Variants in NME7 observed in about 807,000 individuals in gnomAD.
NME7 encodes nucleoside diphosphate kinase 7.
Under a neutral mutation model 49.1 loss-of-function variants are expected in NME7, and 41 were observed. That is an observed-to-expected ratio of 0.83 (90% CI 0.65 to 1.08). NME7 has a LOEUF of 1.08. Among genes scored for constraint, NME7 ranks in the 50% least tolerant of loss-of-function variants. The pLI is 0.00. For missense variants in NME7, 423 were observed against 463.4 expected, an observed-to-expected ratio of 0.91 and a Z score of 0.80; for synonymous variants, 139 against 150.6, an observed-to-expected ratio of 0.92 and a Z score of 0.56.
chr1:169,246,807 G>C (rs541317215), intron 7 of NME7, among the ~76,000 whole-genome samples: 26 of 152,186 alleles, frequency 1.7e-4, no homozygotes, highest in African/African-American at 6.3e-4. Context: ...TCAAACTCCT[G>C]GCCTGAAGTG....
At chr1:169,232,603 T>A (rs528536506) in intron 9 of NME7, among the ~76,000 whole-genome samples, 21 of 151,706 alleles carry the variant, frequency 1.4e-4, no homozygotes, top group African/African-American at 4.8e-4. Context: ...GGGAAAAAGA[T>A]AAGGATGACA....
intron 7 of NME7, among the ~76,000 whole-genome samples, chr1:169,261,598 A>C (rs906312571): frequency 7.5e-6 from 1 of 133,280 alleles, no homozygotes; most frequent in Non-Finnish European, 1.8e-5. Context: ...GTTGCTATTG[A>C]CCTGCCATAG....
intron 7 of NME7, chr1:169,287,081 T>A: frequency 6.5e-6 from 3 of 463,344 alleles, no homozygotes; most frequent in Non-Finnish European, 7.6e-6. Context: ...CTGAGCATGA[T>A]CAGCAACTCA....
chr1:169,153,105 G>T (rs971404639), intron 11 of NME7, among the ~76,000 whole-genome samples: 4 of 152,064 alleles, frequency 2.6e-5, no homozygotes, highest in Non-Finnish European at 5.9e-5. Flanking sequence ...TCAAATTTCA[G>T]CTCTCTGCCA....
At chr1:169,240,059 A>G (rs113980076) in intron 7 of NME7, among the ~76,000 whole-genome samples, 6 of 151,960 alleles carry the variant, frequency 3.9e-5, no homozygotes, top group Non-Finnish European at 8.8e-5. Context: ...TATTTATTAT[A>G]ATATAAGTTA....
At chr1:169,327,358 T>C (rs1184262852) in intron 1 of NME7, among the ~76,000 whole-genome samples, 1 of 152,234 alleles carries the variant, frequency 6.6e-6, no homozygotes, top group African/African-American at 2.4e-5. Context: ...TCATTTTTCC[T>C]CTTTTGAACA....
chr1:169,313,100 T>G (rs941488133), intron 3 of NME7, among the ~76,000 whole-genome samples: 6 of 151,768 alleles, frequency 4.0e-5, no homozygotes, highest in African/African-American at 1.4e-4. Context: ...GCAAAATTAT[T>G]CAGAACAATT....
At chr1:169,280,105 CACA>C (rs1558020236) in intron 7 of NME7, among the ~76,000 whole-genome samples, 2 of 152,120 alleles carry the variant, frequency 1.3e-5, no homozygotes, top group African/African-American at 2.4e-5. Context: ...CCCATTTTTC[CACA>C]ACCTCTCCAG....
At chr1:169,205,426 T>C (rs1261820992) in intron 10 of NME7, among the ~76,000 whole-genome samples, 1 of 152,154 alleles carries the variant, frequency 6.6e-6, no homozygotes, top group Non-Finnish European at 1.5e-5. Context: ...ATGTGTCAAA[T>C]AGTTGTGTGG....
intron 7 of NME7, among the ~76,000 whole-genome samples, chr1:169,268,995 T>C (rs1345013265): frequency 1.5e-5 from 2 of 133,884 alleles, no homozygotes; most frequent in Non-Finnish European, 3.5e-5. Flanking sequence ...TATTTTAGGA[T>C]AGTTTGTTAT....
At chr1:169,310,162 A>C in intron 3 of NME7, 82 bp from the exon 4 acceptor site, 27 of 830,422 alleles carry the variant, frequency 3.3e-5, no homozygotes, top group East Asian at 5.2e-5. Context: ...CAGTATTCTC[A>C]ACAATCATCC....
At chr1:169,166,331 C>T (rs918597684) in intron 11 of NME7, among the ~76,000 whole-genome samples, 2 of 152,004 alleles carry the variant, frequency 1.3e-5, no homozygotes. Flanking sequence ...TACATTTTTA[C>T]ATTTCACAAG....
chr1:169,234,632 G>C (rs1197025163), intron 9 of NME7, among the ~76,000 whole-genome samples: 3 of 152,044 alleles, frequency 2.0e-5, no homozygotes, highest in Non-Finnish European at 4.4e-5. Flanking sequence ...TTATAAATGG[G>C]TTAATCAAGG....
chr1:169,238,923 T>A lies in NME7; in HGVS notation c.755-1236A>T, dbSNP rs1049605018. On this transcript the variant is annotated intron_variant, in intron 7 of 11. Transcript: ENST00000367811. ...TGTTTTATATTTTCCTTGCTACGAA[T>A]TTGCAAATTATTTTAGCCATGCACT... Among the ~76,000 whole-genome samples, 4 of 152,182 alleles carry A rather than the reference T, an allele frequency of 2.6e-5. No individual in the cohort carries two copies. In the South Asian group the frequency reaches 8.3e-4, roughly 32 times the overall value.
chr1:169,147,463 C>G (rs12145939), intron 11 of NME7, among the ~76,000 whole-genome samples: 1 of 152,034 alleles, frequency 6.6e-6, no homozygotes, highest in East Asian at 1.9e-4. Context: ...GCTGTGTGGC[C>G]CTGGGGAAGT....
intron 7 of NME7, among the ~76,000 whole-genome samples, chr1:169,258,856 G>T (rs541064540): frequency 3.0e-5 from 4 of 132,972 alleles, no homozygotes; most frequent in African/African-American, 1.0e-4. Flanking sequence ...CATGACCTGG[G>T]AACTTATTAC....
intron 10 of NME7, among the ~76,000 whole-genome samples, chr1:169,174,836 G>C (rs187270450): frequency 1.3e-4 from 20 of 152,318 alleles, no homozygotes; most frequent in Non-Finnish European, 2.8e-4. Flanking sequence ...GTCCGTGAGT[G>C]AGTGGTGAGT....
chr1:169,153,981 A>T, intron 11 of NME7, among the ~76,000 whole-genome samples: 1 of 151,844 alleles, frequency 6.6e-6, no homozygotes, highest in East Asian at 1.9e-4. Flanking sequence ...TTGGAATTAC[A>T]GGTGTGAGCT....
intron 10 of NME7, among the ~76,000 whole-genome samples, chr1:169,178,863 C>T (rs1013661920): frequency 1.4e-5 from 2 of 146,312 alleles, no homozygotes; most frequent in Non-Finnish European, 3.0e-5. Context: ...CTCTGTCACC[C>T]AGGCTGGAGT....
Sources: gnomAD v4.1 joint callset for allele counts (sites outside exome capture counted in the v4.1 genomes callset) on GRCh38, gnomAD v4.1.1 for gene constraint, MANE v1.5 for transcripts, NCBI Gene and HGNC (gene_info 2026-07-23, HGNC 2026-07-21) for gene names.